The following GRID2 variants were observed in gnomAD, a reference collection of about 807,000 sequenced individuals.
The protein encoded by GRID2 is glutamate ionotropic receptor delta type subunit 2.
Under a neutral mutation model 114.8 loss-of-function variants are expected in GRID2, and 33 were observed. That is an observed-to-expected ratio of 0.29 (90% CI 0.22 to 0.38). GRID2 has a LOEUF of 0.38. Among genes scored for constraint, GRID2 ranks in the 10% least tolerant of loss-of-function variants. GRID2 has a pLI of 1.00. For synonymous variants in GRID2, 505 were observed against 449.9 expected, an observed-to-expected ratio of 1.12 and a Z score of -1.55; for missense variants, 1,184 against 1,257.7, an observed-to-expected ratio of 0.94 and a Z score of 0.89.
At chr4:92,867,611 T>C (rs758385153) in intron 2 of GRID2, among the ~76,000 whole-genome samples, 3 of 151,886 alleles carry the variant, frequency 2.0e-5, no homozygotes, top group African/African-American at 7.3e-5. Context: ...TGTCAAGCTT[T>C]AGAGAACAGT....
chr4:92,856,403 T>A (rs921983493), intron 2 of GRID2, among the ~76,000 whole-genome samples: 1 of 152,108 alleles, frequency 6.6e-6, no homozygotes, highest in Non-Finnish European at 1.5e-5. Context: ...TGCCTAAATT[T>A]AAACAGTATA....
chr4:93,543,710 T>TAGAGAGAGAGAGAGAGAGAG (rs34742442), intron 13 of GRID2, among the ~76,000 whole-genome samples: 35 of 133,588 alleles, frequency 2.6e-4, no homozygotes, highest in African/African-American at 9.4e-4. Flanking sequence ...GAGTGAGAGA[T>TAGAGAGAGAGAGAGAGAGAG]AGAGAGAGAG....
intron 8 of GRID2, among the ~76,000 whole-genome samples, chr4:93,352,829 A>G (rs1760935279): frequency 6.6e-6 from 1 of 152,036 alleles, no homozygotes; most frequent in Non-Finnish European, 1.5e-5. Flanking sequence ...GGTGGGGTAC[A>G]ATGGAGATGC....
At chr4:93,738,904 G>A (rs1055962730) in intron 14 of GRID2, among the ~76,000 whole-genome samples, 4 of 152,098 alleles carry the variant, frequency 2.6e-5, no homozygotes, top group African/African-American at 9.7e-5. Context: ...ACATTCAACT[G>A]GAGAGAGGAA....
intron 1 of GRID2, among the ~76,000 whole-genome samples, chr4:92,412,065 A>C (rs931525935): frequency 6.6e-6 from 1 of 151,410 alleles, no homozygotes; most frequent in Non-Finnish European, 1.5e-5. Context: ...TCTATTTACT[A>C]TACATTTTTA....
At chr4:93,016,444 A>G (rs1722730695) in intron 2 of GRID2, among the ~76,000 whole-genome samples, 2 of 152,160 alleles carry the variant, frequency 1.3e-5, no homozygotes, top group Admixed American at 1.3e-4. Context: ...CCAAGAGGAT[A>G]GTAGAGTAAA....
rs145203377 is a variant in GRID2, at chr4:93,084,760, C to T, written c.245-235C>T. On this transcript the variant is annotated intron_variant, in intron 2 of 15. Coordinates refer to ENST00000282020, the MANE Select transcript of GRID2 (RefSeq NM_001510.4). Reference sequence around the variant, plus strand: ...TTACCCTCTTTACAGATGATGAAACCGAGCCAAGAGAAGCCAAGTGATTTG... The same window carrying T: ...TTACCCTCTTTACAGATGATGAAACTGAGCCAAGAGAAGCCAAGTGATTTG... Among the ~76,000 whole-genome samples the T allele has an allele frequency of 4.9e-3, 750 of 152,204 alleles. 6 individuals are homozygous for T. The highest frequency in any genetic ancestry group is 0.017 in the African/African-American group (713 of 41,542).
intron 2 of GRID2, among the ~76,000 whole-genome samples, chr4:92,776,358 G>T (rs1032512034): frequency 1.3e-5 from 2 of 151,992 alleles, no homozygotes; most frequent in African/African-American, 4.8e-5. Flanking sequence ...GCTACTCAAA[G>T]AATCTTCAGT....
chr4:93,489,075 A>G (rs1321814949), intron 11 of GRID2, among the ~76,000 whole-genome samples: 1 of 152,050 alleles, frequency 6.6e-6, no homozygotes, highest in Non-Finnish European at 1.5e-5. Flanking sequence ...TTCCTATATC[A>G]AAAATTATAA....
At chr4:92,635,649 G>C (rs1361945034) in intron 2 of GRID2, among the ~76,000 whole-genome samples, 1 of 151,928 alleles carries the variant, frequency 6.6e-6, no homozygotes, top group Non-Finnish European at 1.5e-5. Flanking sequence ...ATAATCTCCA[G>C]GGTAAAAATC....
chr4:92,316,193 G>A (rs1325645213), intron 1 of GRID2, among the ~76,000 whole-genome samples: 1 of 151,808 alleles, frequency 6.6e-6, no homozygotes, highest in African/African-American at 2.4e-5. Flanking sequence ...CTGCTTCTGT[G>A]AATGGAAATA....
At chr4:92,996,758 A>G (rs1755224087) in intron 2 of GRID2, among the ~76,000 whole-genome samples, 1 of 152,130 alleles carries the variant, frequency 6.6e-6, no homozygotes, top group Non-Finnish European at 1.5e-5. Context: ...GACTTCTGGC[A>G]CCCGTTGGAG....
chr4:93,209,287 C>G (rs191502209), intron 5 of GRID2, among the ~76,000 whole-genome samples: 9 of 152,064 alleles, frequency 5.9e-5, no homozygotes, highest in Admixed American at 2.0e-4. Flanking sequence ...GTGTGTTGTT[C>G]CCCTCTTTGT....
chr4:92,883,984 A>C (rs1022854446), intron 2 of GRID2, among the ~76,000 whole-genome samples: 7 of 152,196 alleles, frequency 4.6e-5, no homozygotes, highest in African/African-American at 1.4e-4. Flanking sequence ...GTTTGAAGCC[A>C]GGCATTGACT....
chr4:92,507,143 C>T (rs577242613), intron 1 of GRID2, among the ~76,000 whole-genome samples: 1 of 152,044 alleles, frequency 6.6e-6, no homozygotes. Flanking sequence ...CTATCCCCAG[C>T]ATTTTGATGA....
intron 1 of GRID2, among the ~76,000 whole-genome samples, chr4:92,344,716 A>G (rs1727680260): frequency 6.6e-6 from 1 of 152,124 alleles, no homozygotes; most frequent in Admixed American, 6.5e-5. Context: ...GCTTTTCTGT[A>G]ATTCCACATA....
chr4:92,506,705 T>C (rs146964284), intron 1 of GRID2, among the ~76,000 whole-genome samples: 216 of 152,042 alleles, frequency 1.4e-3, no homozygotes, highest in African/African-American at 5.0e-3. Context: ...CTTCTTGCTT[T>C]GCTGAAGGCA....
At chr4:92,687,836 TAAAAC>T (rs1008795207) in intron 2 of GRID2, among the ~76,000 whole-genome samples, 3 of 151,390 alleles carry the variant, frequency 2.0e-5, no homozygotes, top group African/African-American at 7.3e-5. Context: ...CTCAAAAAAA[TAAAAC>T]CTTTTTGCTA....
chr4:92,381,637 C>A (rs551486034), intron 1 of GRID2, among the ~76,000 whole-genome samples: 20 of 152,046 alleles, frequency 1.3e-4, no homozygotes, highest in African/African-American at 4.3e-4. Context: ...GTAAAAGTTT[C>A]TCTTTTCTAA....
Sources: allele counts gnomAD v4.1 joint callset (sites outside exome capture counted in the v4.1 genomes callset), GRCh38; gene constraint gnomAD v4.1.1; transcripts MANE v1.5; gene names NCBI Gene and HGNC (gene_info 2026-07-23, HGNC 2026-07-21).